The following IGF2BP1 variants were observed in gnomAD, a reference collection of about 807,000 sequenced individuals.
IGF2BP1 encodes insulin-like growth factor 2 mRNA-binding protein 1.
A neutral mutation model predicts 74.9 loss-of-function variants in IGF2BP1; 11 were observed. The ratio of observed to expected loss-of-function variants is 0.15; its 90% confidence interval spans 0.09 to 0.24. The LOEUF is 0.24. Among genes scored for constraint, IGF2BP1 ranks in the 10% least tolerant of loss-of-function variants. The pLI is 1.00. For synonymous variants in IGF2BP1, 287 were observed against 281.8 expected (o/e 1.02, Z -0.18); for missense variants, 440 against 757.4 (o/e 0.58, Z 4.92).
At chr17:49,043,853 G>T (rs978051598) in intron 10 of IGF2BP1, 114 bp from the exon 11 acceptor site, 11 of 1,439,240 alleles carry the variant, frequency 7.6e-6, no homozygotes, top group Non-Finnish European at 1.9e-6. Context: ...GCAGCCCAGG[G>T]TGGCGGTTTG....
chr17:49,039,058 A>G (rs2042020139), intron 6 of IGF2BP1, among the ~76,000 whole-genome samples: 1 of 151,624 alleles, frequency 6.6e-6, no homozygotes, highest in Admixed American at 6.6e-5. Flanking sequence ...TTGTATTTTT[A>G]GTAGAGACAG....
At chr17:49,016,108 C>G (rs1330667200) in intron 2 of IGF2BP1, among the ~76,000 whole-genome samples, 1 of 152,228 alleles carries the variant, frequency 6.6e-6, no homozygotes, top group African/African-American at 2.4e-5. Context: ...AATATGGGCA[C>G]TTTTCCTGCT....
chr17:49,014,472 C>G (rs1047548241), intron 2 of IGF2BP1, among the ~76,000 whole-genome samples: 5 of 151,628 alleles, frequency 3.3e-5, no homozygotes, highest in Non-Finnish European at 7.4e-5. Flanking sequence ...GCACTCAGTC[C>G]TCCCAGACAG....
Position 49,046,914 on chromosome 17 carries a change from A to G in IGF2BP1, c.1641+541A>G, listed in dbSNP as rs536076013. On this transcript the variant is annotated intron_variant, in intron 14 of 14. Coordinates refer to ENST00000290341, the MANE Select transcript of IGF2BP1 (RefSeq NM_006546.4). The stretch of plus-strand genomic sequence containing the variant: ...TCAGCACTCGGACAGGCTCCAGAGC[A>G]TGGAAGGGAAGGCCAATATCAGGTT... Among the ~76,000 whole-genome samples the G allele has an allele frequency of 3.9e-4, 60 of 152,250 alleles. 1 individual carries two copies. The highest frequency in any genetic ancestry group is 3.4e-3 in the Admixed American group (52 of 15,288).
rs1265952646 is a variant in IGF2BP1, at chr17:49,054,454, GC to G, written c.*5011del. ...TCCCAGCCAGGACAAGTGAGTTGAG[GC>G]TTGTGCCACAAAAGGTTTGTCCTTG... On this transcript the variant is annotated 3_prime_UTR_variant, in exon 15 of 15. Coordinates refer to ENST00000290341, the MANE Select transcript of IGF2BP1 (RefSeq NM_006546.4). The G allele has an allele frequency of 2.0e-5, 3 of 152,636 alleles. No individual in the cohort carries two copies. Among genetic ancestry groups the G allele is most frequent in the African/African-American group, 7.2e-5 (3 of 41,470 alleles). 9.5% of individuals were successfully genotyped at this position (152,636 alleles called of 1,614,324 possible).
rs539598852 is a variant in IGF2BP1 at position 49,038,751 on chromosome 17, A to C, written c.683+302A>C. Among the ~76,000 whole-genome samples, 5 of 152,092 alleles carry C rather than the reference A, an allele frequency of 3.3e-5. No homozygotes were observed. The South Asian group carries it at 1.0e-3, about 32-fold the overall frequency. ...CAAACCTCATTTTGATGAGTCAGCA[A>C]CTCAGTGCTCTGTGATTTCATGATC... On this transcript the variant is annotated intron_variant, in intron 6 of 14. Transcript: ENST00000290341.
In IGF2BP1 at chr17:49,052,827, T is replaced by C. The variant is rs985601303; in HGVS notation, c.*3383T>C. The C allele has an allele frequency of 2.0e-5, 3 of 152,594 alleles. No homozygotes were observed. Among genetic ancestry groups the C allele is most frequent in the Non-Finnish European group, 4.4e-5 (3 of 68,034 alleles). 9.5% of individuals were successfully genotyped at this position (152,594 alleles called of 1,614,324 possible). ...AAAAATGCTTCTGTGCTCTAAGATA[T>C]ATATGTGTGTGTGTGTGCTACATAT... On this transcript the variant is annotated 3_prime_UTR_variant, in exon 15 of 15. Transcript: ENST00000290341.
At chr17:49,043,747 G>A (rs1421472564) in intron 10 of IGF2BP1, among the ~76,000 whole-genome samples, 197 bp downstream of exon 10, 3 of 152,122 alleles carry the variant, frequency 2.0e-5, no homozygotes, top group Non-Finnish European at 2.9e-5. Flanking sequence ...GAATGCTCCC[G>A]GGGCATAGAC....
intron 6 of IGF2BP1, among the ~76,000 whole-genome samples, chr17:49,039,667 C>T (rs2042028275): frequency 6.6e-6 from 1 of 151,940 alleles, no homozygotes; most frequent in Non-Finnish European, 1.5e-5. Context: ...CCTCAAGTAA[C>T]CCACCCGCCT....
rs1009594033 is a variant in IGF2BP1 at position 49,054,789 on chromosome 17, C to T, written c.*5345C>T. On this transcript the variant is annotated 3_prime_UTR_variant, in exon 15 of 15. Transcript: ENST00000290341. ...AACAGGGTTTCTTTGAGATCCTACACCTCCATTGGGCCCTTTTTCAGTCTT... is the reference window on the plus strand; with the variant it reads ...AACAGGGTTTCTTTGAGATCCTACATCTCCATTGGGCCCTTTTTCAGTCTT... 4.6e-5 allele frequency: 7 copies of T among 152,304 alleles called. No individual in the cohort carries two copies. Among genetic ancestry groups the T allele is most frequent in the African/African-American group, 1.7e-4 (7 of 41,520 alleles). The allele number at this position is 152,304 out of a possible 1,614,324, so 9.4% of individuals were successfully genotyped here.
intron 2 of IGF2BP1, among the ~76,000 whole-genome samples, chr17:49,019,904 T>TTATATATATATA (rs60753189): frequency 4.6e-4 from 20 of 43,890 alleles, no homozygotes; most frequent in South Asian, 2.3e-3. Context: ...CCTGGCTAAT[T>TTATATATATATA]TATATATATA....
intron 2 of IGF2BP1, chr17:49,004,662 G>C (rs1271910226): frequency 6.6e-6 from 1 of 152,188 alleles, no homozygotes; most frequent in Admixed American, 6.5e-5. Context: ...TTCTATCCAT[G>C]GATTTTGTTT....
At position 49,031,973 on chromosome 17, in the gene IGF2BP1, A is replaced by G; in HGVS notation, c.401A>G (p.Gln134Arg). 1.5e-6 allele frequency: 2 copies of G among 1,349,170 alleles called. No homozygotes were observed. The highest frequency in any genetic ancestry group is 2.9e-5 in the African/African-American group (2 of 68,014). The allele number at this position is 1,349,170 out of a possible 1,614,324, so 83.6% of individuals were successfully genotyped here. ...VTYSNREQTR[Q>R]AIMKLNGHQL... ...TATTCCAACCGGGAGCAGACCAGGC[A>G]GTGAGTGGGCTGGGAAGTGGGGCTG... Residue 134 changes from glutamine (Q) to arginine (R), a missense_variant and splice_region_variant, in exon 5 of 15, where the codon CAA becomes CGA. Around this residue, in one of 5 missense-constraint regions of IGF2BP1, gnomAD observed 105 missense variants for 199.4 expected, o/e 0.53. Coordinates refer to ENST00000290341, the MANE Select transcript of IGF2BP1 (RefSeq NM_006546.4).
chr17:49,044,139 T>G, intron 11 of IGF2BP1, 53 bp downstream of exon 11: 1 of 1,599,008 alleles, frequency 6.3e-7, no homozygotes, highest in Non-Finnish European at 8.5e-7. Context: ...GTCTCTGCTT[T>G]TATCACTCTG....
Position 48,999,148 on chromosome 17 carries a change from A to T in IGF2BP1, c.215A>T (p.His72Leu). The change falls in exon 2 of 15, where the codon CAT becomes CTT. Residue 72 changes from histidine (H) to leucine (L), a missense_variant. By Grantham distance (99) the His-to-Leu change is moderately conservative (BLOSUM62 -3). This residue lies in a region of IGF2BP1 where 105 missense variants were observed against 199.4 expected (regional missense o/e 0.53). Coordinates refer to ENST00000290341, the MANE Select transcript of IGF2BP1 (RefSeq NM_006546.4). ...ELQGKRLEIEHSVPKKQRSRK... is the reference protein window; with the variant it reads ...ELQGKRLEIELSVPKKQRSRK... The stretch of plus-strand genomic sequence containing the variant: ...CAAGGAAAACGCTTAGAGATTGAAC[A>T]TTCGGTGCCCAAAAAACAAAGGTAG... 7.1e-7 allele frequency: 1 copy of T among 1,412,132 alleles called. No homozygotes were observed. Among genetic ancestry groups the T allele is most frequent in the Non-Finnish European group, 9.5e-7 (1 of 1,052,302 alleles). The allele number at this position is 1,412,132 out of a possible 1,614,324, so 87.5% of individuals were successfully genotyped here. A position where few individuals can be genotyped will look rare whatever the true frequency, so the allele number is the denominator to read the frequency against.
At chr17:49,043,403 C>T (rs2042074294) in intron 9 of IGF2BP1, 25 bp from the exon 10 acceptor site, 1 of 1,612,778 alleles carries the variant, frequency 6.2e-7, no homozygotes, top group Admixed American at 1.7e-5. Context: ...TGTGCTGACT[C>T]TTCCTCCTCA....
rs763132170 is a variant in IGF2BP1, at chr17:49,044,041, G to C, written c.1275G>C (p.Gly425=). Residue 425 remains glycine (G), a synonymous_variant, in exon 11 of 15, where the codon GGG becomes GGC. Transcript: ENST00000290341. ...TGGGCGCCATCATCGGCAAGAAGGG[G>C]CAGCACATCAAACAGCTCTCCCGGT... ...QAVGAIIGKK[G]QHIKQLSRFA... The C allele has an allele frequency of 6.2e-7, 1 of 1,614,150 alleles. No individual in the cohort carries two copies.
intron 2 of IGF2BP1, among the ~76,000 whole-genome samples, chr17:49,008,006 T>C (rs2041570886): frequency 6.6e-6 from 1 of 152,028 alleles, no homozygotes; most frequent in Admixed American, 6.6e-5. Context: ...ACCCCGTCTC[T>C]ACTAAAAATA....
At chr17:49,019,987 CATAT>C (rs60471350) in intron 2 of IGF2BP1, among the ~76,000 whole-genome samples, 2 of 87,522 alleles carry the variant, frequency 2.3e-5, no homozygotes, top group African/African-American at 9.7e-5. Context: ...TACACCCACA[CATAT>C]ATATACACAC....
Sources: allele counts gnomAD v4.1 joint callset (sites outside exome capture counted in the v4.1 genomes callset), GRCh38; gene constraint gnomAD v4.1.1; regional missense constraint gnomAD v4.1.1; transcripts MANE v1.5; gene names NCBI Gene and HGNC (gene_info 2026-07-23, HGNC 2026-07-21).